Variants in FER observed in about 807,000 individuals in gnomAD.
The protein encoded by FER is FER tyrosine kinase.
Under a neutral mutation model 111.0 loss-of-function variants are expected in FER, and 63 were observed. That is an observed-to-expected ratio of 0.57 (90% CI 0.46 to 0.70). FER has a LOEUF of 0.70. Ranked by LOEUF, FER falls within the 30% of genes least tolerant of loss-of-function variation. The pLI is 0.00. For missense variants in FER, 914 were observed against 954.0 expected, an observed-to-expected ratio of 0.96 and a Z score of 0.55; for synonymous variants, 327 against 313.9, an observed-to-expected ratio of 1.04 and a Z score of -0.44.
chr5:109,151,609 A>G (rs941919193), intron 17 of FER, among the ~76,000 whole-genome samples: 2 of 152,134 alleles, frequency 1.3e-5, no homozygotes, highest in South Asian at 2.1e-4. Context: ...TGGTTCCAGT[A>G]AAGAAACTTT....
intron 1 of FER, among the ~76,000 whole-genome samples, chr5:108,749,831 A>T (rs1419334930): frequency 6.6e-6 from 1 of 152,126 alleles, no homozygotes; most frequent in African/African-American, 2.4e-5. Context: ...CTACTTTCTG[A>T]ATACGCTCAT....
intron 5 of FER, among the ~76,000 whole-genome samples, chr5:108,856,411 A>G (rs1281133631): frequency 1.3e-5 from 2 of 152,186 alleles, no homozygotes; most frequent in African/African-American, 2.4e-5. Context: ...TATTTTATGC[A>G]TAACATGTAG....
intron 17 of FER, among the ~76,000 whole-genome samples, chr5:109,173,751 G>A (rs1024550866): frequency 8.0e-6 from 1 of 125,544 alleles, no homozygotes; most frequent in African/African-American, 3.7e-5. Flanking sequence ...GGTATAATAT[G>A]TACCTCCCCC....
intron 13 of FER, among the ~76,000 whole-genome samples, chr5:108,960,264 T>G (rs926582254): frequency 6.6e-6 from 1 of 152,172 alleles, no homozygotes; most frequent in Non-Finnish European, 1.5e-5. Context: ...TATTTCCTTT[T>G]GTTAATCTGG....
intron 13 of FER, among the ~76,000 whole-genome samples, chr5:109,025,748 G>T (rs1266879044): frequency 3.3e-5 from 5 of 151,796 alleles, no homozygotes; most frequent in East Asian, 1.9e-4. Context: ...TATGATATTG[G>T]CTGTGGGTTT....
chr5:109,173,948 T>C (rs946110805), intron 17 of FER, among the ~76,000 whole-genome samples: 16 of 152,188 alleles, frequency 1.1e-4, no homozygotes, highest in Non-Finnish European at 8.8e-5. Flanking sequence ...GCTCTCACTC[T>C]ACATCAGTTG....
intron 8 of FER, among the ~76,000 whole-genome samples, chr5:108,882,870 T>C (rs1765815052): frequency 6.6e-6 from 1 of 151,820 alleles, no homozygotes; most frequent in African/African-American, 2.4e-5. Context: ...TTGTCTTCAA[T>C]TCTATACAGA....
chr5:108,755,178 C>A (rs1047737402), intron 1 of FER, among the ~76,000 whole-genome samples: 1 of 152,164 alleles, frequency 6.6e-6, no homozygotes, highest in Non-Finnish European at 1.5e-5. Context: ...TGTATACAGG[C>A]AAGGTTCTTA....
At chr5:108,936,141 C>T (rs960221169) in intron 10 of FER, among the ~76,000 whole-genome samples, 4 of 151,954 alleles carry the variant, frequency 2.6e-5, no homozygotes, top group Non-Finnish European at 1.5e-5. Flanking sequence ...ACAGTCCTGG[C>T]TCACACTATT....
intron 9 of FER, among the ~76,000 whole-genome samples, chr5:108,892,841 T>C (rs1432790654): frequency 3.3e-5 from 5 of 152,244 alleles, no homozygotes; most frequent in Admixed American, 2.6e-4. Context: ...AATTAATTTC[T>C]GTATAAGGTG....
chr5:109,167,476 CTCTTT>C (rs1756676869), intron 17 of FER, among the ~76,000 whole-genome samples: 1 of 152,106 alleles, frequency 6.6e-6, no homozygotes, highest in Admixed American at 6.6e-5. Context: ...AAATGATCAT[CTCTTT>C]TCTACACCAT....
intron 2 of FER, among the ~76,000 whole-genome samples, chr5:108,776,793 C>T (rs1418841690): frequency 2.0e-5 from 3 of 152,030 alleles, no homozygotes; most frequent in African/African-American, 7.3e-5. Flanking sequence ...TCACTTAATC[C>T]TAAATACCAA....
chr5:108,790,235 C>CCACACACA (rs66805209), intron 2 of FER, among the ~76,000 whole-genome samples: 6,628 of 145,122 alleles, frequency 0.046, 267 homozygotes, highest in African/African-American at 0.11. Context: ...TGCATACACA[C>CCACACACA]CACACACACA....
Position 109,190,073 on chromosome 5 carries a change from G to A in FER, c.*2498G>A, listed in dbSNP as rs888967112. 2 of 151,994 alleles carry A rather than the reference G, an allele frequency of 1.3e-5. No homozygotes were observed. The highest frequency in any genetic ancestry group is 1.5e-5 in the Non-Finnish European group (1 of 67,982). The allele number at this position is 151,994 out of a possible 1,614,324, so 9.4% of individuals were successfully genotyped here. A position where few individuals can be genotyped will look rare whatever the true frequency, so the allele number is the denominator to read the frequency against. ...GTCACATGCATTAAGAAAAACTTAC[G>A]CAAACAGTTTTTCACTGTTAATTTT... On this transcript the variant is annotated 3_prime_UTR_variant, in exon 20 of 20. Coordinates refer to ENST00000281092, the MANE Select transcript of FER (RefSeq NM_005246.4).
intron 17 of FER, among the ~76,000 whole-genome samples, chr5:109,115,360 G>T (rs578152445): frequency 6.6e-6 from 1 of 152,052 alleles, no homozygotes; most frequent in African/African-American, 2.4e-5. Flanking sequence ...TGACTCCTAG[G>T]TTTCTCAGAT....
chr5:108,858,170 A>T (rs888386491), intron 5 of FER, among the ~76,000 whole-genome samples: 2 of 152,184 alleles, frequency 1.3e-5, no homozygotes, highest in Non-Finnish European at 2.9e-5. Flanking sequence ...TGATACTTCA[A>T]ATTCTAGTCC....
intron 13 of FER, among the ~76,000 whole-genome samples, chr5:109,024,614 A>G (rs1768408657): frequency 6.6e-6 from 1 of 152,188 alleles, no homozygotes; most frequent in Non-Finnish European, 1.5e-5. Flanking sequence ...GGAAAAAGCC[A>G]GGAGTCTCAT....
chr5:108,918,117 C>G (rs1752500974), intron 10 of FER, among the ~76,000 whole-genome samples: 1 of 152,090 alleles, frequency 6.6e-6, no homozygotes, highest in South Asian at 2.1e-4. Context: ...ACTATTTTGT[C>G]TCTAAGCTTT....
intron 17 of FER, among the ~76,000 whole-genome samples, chr5:109,117,279 G>A (rs1333461770): frequency 1.3e-5 from 2 of 152,074 alleles, no homozygotes; most frequent in East Asian, 3.9e-4. Context: ...CATTGTATAA[G>A]ATTCTGTGGG....
Sources: allele counts gnomAD v4.1 joint callset (sites outside exome capture counted in the v4.1 genomes callset), GRCh38; gene constraint gnomAD v4.1.1; transcripts MANE v1.5; gene names NCBI Gene and HGNC (gene_info 2026-07-23, HGNC 2026-07-21).